Variants in PLEKHA3 observed in about 807,000 individuals in gnomAD.
The protein encoded by PLEKHA3 is pleckstrin homology domain-containing family A member 3.
A neutral mutation model predicts 39.2 loss-of-function variants in PLEKHA3; 19 were observed. The ratio of observed to expected loss-of-function variants is 0.48; its 90% CI spans 0.34 to 0.71. The LOEUF (loss-of-function observed/expected upper bound fraction) is 0.71, where lower values mean the gene tolerates loss of function less well. PLEKHA3 is among the 30% of genes least tolerant of loss of function. PLEKHA3 has a pLI of 0.01. For missense variants in PLEKHA3, 253 were observed against 359.5 expected, an observed-to-expected ratio of 0.70 and a Z score of 2.40; for synonymous variants, 97 against 118.6, an observed-to-expected ratio of 0.82 and a Z score of 1.18.
rs1685676928 is a variant in PLEKHA3 at position 178,511,042 on chromosome 2, G to T, written c.*7155G>T. ...TTCAGATATTTTAAGTATCTTTTTT[G>T]TGTCTGGATTCAGAGAGGTATGATA... is the stretch of plus-strand genomic sequence containing the variant. On this transcript the variant is annotated 3_prime_UTR_variant, in exon 8 of 8. Coordinates refer to ENST00000234453, the MANE Select transcript of PLEKHA3 (RefSeq NM_019091.4). 6.6e-6 allele frequency: 1 copy of T among 151,998 alleles called. No individual in the cohort carries two copies. The highest frequency in any genetic ancestry group is 2.4e-5 in the African/African-American group (1 of 41,394). The allele number at this position is 151,998 out of a possible 1,614,324, so 9.4% of individuals were successfully genotyped here. A position where few individuals can be genotyped will look rare whatever the true frequency, so the allele number is the denominator to read the frequency against.
intron 7 of PLEKHA3, among the ~76,000 whole-genome samples, chr2:178,501,731 GAGA>G (rs1418230316): frequency 6.6e-6 from 1 of 151,944 alleles, no homozygotes; most frequent in Non-Finnish European, 1.5e-5. Flanking sequence ...TTTCTCTTCA[GAGA>G]AGAAGCTTTG....
chr2:178,501,425 G>C (rs1685528444), intron 7 of PLEKHA3, among the ~76,000 whole-genome samples: 1 of 151,920 alleles, frequency 6.6e-6, no homozygotes, highest in Non-Finnish European at 1.5e-5. Flanking sequence ...TATATTTATA[G>C]AATATCATGA....
chr2:178,497,221 A>G (rs1685463162), intron 5 of PLEKHA3, among the ~76,000 whole-genome samples: 2 of 150,760 alleles, frequency 1.3e-5, no homozygotes. Context: ...ATATATAAAT[A>G]CTATATATGT....
rs1172581662 is a variant in PLEKHA3 at position 178,514,242 on chromosome 2, T to C, written c.*10355T>C. On this transcript the variant is annotated 3_prime_UTR_variant, in exon 8 of 8. Transcript: ENST00000234453. ...GTGTCATCTCTGATGTTGTGGCTAA[T>C]TTTAAGACTTTGATTTTTCAGCTAG... 1 of 151,996 alleles carries C rather than the reference T, an allele frequency of 6.6e-6. No individual in the cohort carries two copies. Among genetic ancestry groups the C allele is most frequent in the African/African-American group, 2.4e-5 (1 of 41,356 alleles). The allele number at this position is 151,996 out of a possible 1,614,324, so 9.4% of individuals were successfully genotyped here. A position where few individuals can be genotyped will look rare whatever the true frequency, so the allele number is the denominator to read the frequency against.
rs757577029 is a variant in PLEKHA3, at chr2:178,493,855, A to G, written c.316A>G (p.Ile106Val). Residue 106 changes from isoleucine (I) to valine (V), a missense_variant and splice_region_variant, in exon 4 of 8, where the codon ATA (isoleucine) becomes GTA (valine). This residue lies in a region of PLEKHA3 where 126 missense variants were observed against 222.7 expected (regional missense o/e 0.57). Transcript: ENST00000234453. ...TDTRTKKEKEISETSESLKTK... is the reference protein window; with the variant it reads ...TDTRTKKEKEVSETSESLKTK... ...ATATTTATGTATATTCTTTTCAGAA[A>G]TAAGTGAAACCAGTGAATCGCTGAA... 3.0e-5 allele frequency: 48 copies of G among 1,612,554 alleles called. No homozygotes were observed. Among genetic ancestry groups the G allele is most frequent in the Non-Finnish European group, 3.9e-5 (46 of 1,179,038 alleles).
chr2:178,485,976 C>T (rs1023974510), intron 2 of PLEKHA3, among the ~76,000 whole-genome samples: 1 of 152,208 alleles, frequency 6.6e-6, no homozygotes, highest in Non-Finnish European at 1.5e-5. Context: ...ATGGAAATAA[C>T]TTTTGCTAGT....
chr2:178,502,128 G>T (rs1685536335), intron 7 of PLEKHA3, among the ~76,000 whole-genome samples: 1 of 151,762 alleles, frequency 6.6e-6, no homozygotes. Context: ...TTAAGCTGGA[G>T]TTGTTTTATG....
rs997765246 is a variant in PLEKHA3 at position 178,495,840 on chromosome 2, C to T, written c.615+180C>T. Among the ~76,000 whole-genome samples the T allele has an allele frequency of 3.3e-5, 5 of 152,166 alleles. No homozygotes were observed. The East Asian group carries it at 9.6e-4, about 29-fold the overall frequency. ...CGAGCTTCTTAGCTGATGAGCTGAG[C>T]ACTTGTGCTAGTGTCCTCATTCCCT... On this transcript the variant is annotated intron_variant, in intron 5 of 7. Transcript: ENST00000234453.
At chr2:178,486,651 T>C (rs558237609) in intron 2 of PLEKHA3, among the ~76,000 whole-genome samples, 1 of 152,376 alleles carries the variant, frequency 6.6e-6, no homozygotes, top group African/African-American at 2.4e-5. Context: ...CTGGCTTCTT[T>C]TACTCAACAT....
In PLEKHA3 at chr2:178,505,478, C is replaced by T. The variant is rs1394304390; in HGVS notation, c.*1591C>T. The T allele has an allele frequency of 6.6e-6, 1 of 150,482 alleles. No individual in the cohort carries two copies. The highest frequency in any genetic ancestry group is 1.5e-5 in the Non-Finnish European group (1 of 67,674). 9.3% of individuals were successfully genotyped at this position (150,482 alleles called of 1,614,324 possible). A position where few individuals can be genotyped will look rare whatever the true frequency, so the allele number is the denominator to read the frequency against. On this transcript the variant is annotated 3_prime_UTR_variant, in exon 8 of 8. Transcript: ENST00000234453. ...AGTCTTTGCCTGCTCATAAGTTGTA[C>T]TTCATATGTCTAATTTGAAAAAAAA...
rs1158049752 is a variant in PLEKHA3, at chr2:178,480,556, G to A, written c.-314G>A. 8.7e-6 allele frequency: 2 copies of A among 229,398 alleles called. No individual in the cohort carries two copies. The highest frequency in any genetic ancestry group is 1.2e-4 in the Admixed American group (2 of 17,310). The allele number at this position is 229,398 out of a possible 1,614,324, so 14.2% of individuals were successfully genotyped here. A position where few individuals can be genotyped will look rare whatever the true frequency, so the allele number is the denominator to read the frequency against. On this transcript the variant is annotated 5_prime_UTR_variant, in exon 1 of 8. Coordinates refer to ENST00000234453, the MANE Select transcript of PLEKHA3 (RefSeq NM_019091.4). Reference sequence around the variant, plus strand: ...AAGAGGCAGCGCCGGGGCGCCGGAGGGAGCAGCCGGGCTGCGGAAGCGCGA... The same window carrying A: ...AAGAGGCAGCGCCGGGGCGCCGGAGAGAGCAGCCGGGCTGCGGAAGCGCGA...
In PLEKHA3 at chr2:178,510,738, T is replaced by C. The variant is rs192146906; in HGVS notation, c.*6851T>C. 6.5e-6 allele frequency: 1 copy of C among 153,520 alleles called. No individual in the cohort carries two copies. The highest frequency in any genetic ancestry group is 1.9e-4 in the East Asian group (1 of 5,194). The allele number at this position is 153,520 out of a possible 1,614,324, so 9.5% of individuals were successfully genotyped here. On this transcript the variant is annotated 3_prime_UTR_variant, in exon 8 of 8. Transcript: ENST00000234453. ...TGTGAAAAAATAAATTTTCATTCTT[T>C]ATGGTAAATTCCCATCACTGTATCC... is the stretch of plus-strand genomic sequence containing the variant.
Position 178,514,087 on chromosome 2 carries a change from A to G in PLEKHA3, c.*10200A>G, listed in dbSNP as rs1685726192. The stretch of plus-strand genomic sequence containing the variant: ...GAACACAGCTCTCATTTAGCTTATT[A>G]TTGATTTTTTTTTCTTGTTTTGCAG... On this transcript the variant is annotated 3_prime_UTR_variant, in exon 8 of 8. Coordinates refer to ENST00000234453, the MANE Select transcript of PLEKHA3 (RefSeq NM_019091.4). 2 of 147,574 alleles carry G rather than the reference A, an allele frequency of 1.4e-5. No homozygotes were observed. The highest frequency in any genetic ancestry group is 4.2e-4 in the South Asian group (2 of 4,758). 9.1% of individuals were successfully genotyped at this position (147,574 alleles called of 1,614,324 possible). A position where few individuals can be genotyped will look rare whatever the true frequency, so the allele number is the denominator to read the frequency against.
At chr2:178,483,271 T>G (rs1685201636) in intron 1 of PLEKHA3, among the ~76,000 whole-genome samples, 1 of 151,232 alleles carries the variant, frequency 6.6e-6, no homozygotes, top group Non-Finnish European at 1.5e-5. Flanking sequence ...AAAAAAAAAG[T>G]GTTATTTGAG....
chr2:178,496,200 G>A (rs560376553), intron 5 of PLEKHA3, among the ~76,000 whole-genome samples: 7 of 152,276 alleles, frequency 4.6e-5, no homozygotes, highest in African/African-American at 1.7e-4. Context: ...GATCTGACCT[G>A]CTTACTGTTA....
chr2:178,503,011 A>G (rs1685550477), intron 7 of PLEKHA3, among the ~76,000 whole-genome samples: 1 of 152,038 alleles, frequency 6.6e-6, no homozygotes, highest in Non-Finnish European at 1.5e-5. Flanking sequence ...GTCTTAGTTG[A>G]AAGTTGTTAC....
chr2:178,484,761 A>G (rs1559382150), intron 1 of PLEKHA3, among the ~76,000 whole-genome samples: 1 of 152,268 alleles, frequency 6.6e-6, no homozygotes, highest in Non-Finnish European at 1.5e-5. Context: ...AATTAGTAGC[A>G]TGCTTGATAA....
chr2:178,506,006 A>G lies in PLEKHA3; in HGVS notation c.*2119A>G, dbSNP rs962458897. The G allele has an allele frequency of 2.0e-5, 3 of 152,138 alleles. No homozygotes were observed. Among genetic ancestry groups the G allele is most frequent in the African/African-American group, 7.2e-5 (3 of 41,442 alleles). The allele number at this position is 152,138 out of a possible 1,614,324, so 9.4% of individuals were successfully genotyped here. ...AGGTTTTGATCAGTGAATTAGTAGCATGAAGAAACCTATAAAGCTTAAGGG... is the reference window on the plus strand; with the variant it reads ...AGGTTTTGATCAGTGAATTAGTAGCGTGAAGAAACCTATAAAGCTTAAGGG... On this transcript the variant is annotated 3_prime_UTR_variant, in exon 8 of 8. Coordinates refer to ENST00000234453, the MANE Select transcript of PLEKHA3 (RefSeq NM_019091.4).
At chr2:178,499,523 C>A (rs1326645315) in intron 6 of PLEKHA3, among the ~76,000 whole-genome samples, 1 of 152,118 alleles carries the variant, frequency 6.6e-6, no homozygotes, top group African/African-American at 2.4e-5. Context: ...GTTTGAAATG[C>A]AGTCATATAT....
Sources: allele counts gnomAD v4.1 joint callset (sites outside exome capture counted in the v4.1 genomes callset), GRCh38; gene constraint gnomAD v4.1.1; regional missense constraint gnomAD v4.1.1; transcripts MANE v1.5; gene names NCBI Gene and HGNC (gene_info 2026-07-23, HGNC 2026-07-21).